Variants in SAMD5 observed in about 807,000 individuals in gnomAD.
The protein encoded by SAMD5 is sterile alpha motif domain containing 5.
A neutral mutation model predicts 11.3 loss-of-function variants in SAMD5; 13 were observed. The ratio of observed to expected loss-of-function variants is 1.15; its 90% CI spans 0.75 to 1.83. The LOEUF is 1.83. Among genes scored for constraint, SAMD5 ranks in the 40% most tolerant of loss-of-function variants. The probability of loss-of-function intolerance (pLI) is 0.00; values close to 1 mark genes in which losing one functional copy is unlikely to be tolerated. For missense variants in SAMD5, 255 were observed against 239.1 expected (o/e 1.07, Z -0.44); for synonymous variants, 129 against 111.3 (o/e 1.16, Z -1.00).
intron 1 of SAMD5, among the ~76,000 whole-genome samples, chr6:147,610,580 C>T (rs1789768829): frequency 1.3e-5 from 2 of 152,314 alleles, no homozygotes; most frequent in South Asian, 4.2e-4. Flanking sequence ...GACAAAGTAG[C>T]ACCAGAATGT....
At chr6:147,770,885 TA>T in the SAMD5 span, among the ~76,000 whole-genome samples, 1 of 152,190 alleles carries the variant, frequency 6.6e-6, no homozygotes. Context: ...ACAATGCCAA[TA>T]ATTCATTAGT....
intron 1 of SAMD5, among the ~76,000 whole-genome samples, chr6:147,624,779 G>A (rs2128450652): frequency 6.6e-6 from 1 of 152,046 alleles, no homozygotes; most frequent in South Asian, 2.1e-4. Context: ...GGTGTATACT[G>A]CTCAGATGAT....
chr6:147,686,082 G>T (rs973527429), intron 1 of SAMD5, among the ~76,000 whole-genome samples: 2 of 152,118 alleles, frequency 1.3e-5, no homozygotes, highest in African/African-American at 4.8e-5. Context: ...TTTATTGACC[G>T]TACGGATGTA....
the SAMD5 span, among the ~76,000 whole-genome samples, chr6:147,745,823 G>T: frequency 2.1e-5 from 3 of 143,506 alleles, no homozygotes; most frequent in African/African-American, 5.2e-5. Context: ...CTATCACCCC[G>T]GCTGGACTAT....
intron 1 of SAMD5, among the ~76,000 whole-genome samples, chr6:147,687,276 C>CTTTTTTTT (rs59851113): frequency 4.8e-5 from 5 of 105,032 alleles, no homozygotes; most frequent in Non-Finnish European, 5.4e-5. Context: ...TCTCCTCCTT[C>CTTTTTTTT]TTTTTTTTTT....
At chr6:147,672,725 A>G (rs1790811814) in intron 1 of SAMD5, among the ~76,000 whole-genome samples, 2 of 151,608 alleles carry the variant, frequency 1.3e-5, no homozygotes, top group African/African-American at 4.8e-5. Flanking sequence ...ATATCTTCAT[A>G]TTTCTAAATG....
At chr6:147,681,860 T>G (rs1168427036) in intron 1 of SAMD5, among the ~76,000 whole-genome samples, 1 of 152,158 alleles carries the variant, frequency 6.6e-6, no homozygotes, top group African/African-American at 2.4e-5. Flanking sequence ...GGTGTTACAC[T>G]CTGGCTGGTG....
At position 147,686,552 on chromosome 6, in the gene SAMD5, C is replaced by T. The variant is rs1047511526; in HGVS notation, c.163-50765C>T. ...TCCTATCACTACTGCTGTGCCATGT[C>T]ATACCAGTACATGGTATAAGTCATG... On this transcript the variant is annotated intron_variant, in intron 1 of 1. Coordinates refer to the SAMD5 transcript ENST00000566741. 2.6e-5 allele frequency among the ~76,000 whole-genome samples: 4 copies of T among 152,300 alleles called. 1 individual carries two copies. The highest frequency in any genetic ancestry group is 1.9e-4 in the East Asian group (1 of 5,186).
At chr6:147,875,740 C>T in the SAMD5 span, among the ~76,000 whole-genome samples, 80 of 152,130 alleles carry the variant, frequency 5.3e-4, 2 homozygotes, top group South Asian at 0.013. Context: ...TTGTGAACTG[C>T]GCAGGAGAGG....
downstream of SAMD5, among the ~76,000 whole-genome samples, chr6:147,573,960 TA>T (rs1276238055): frequency 1.3e-5 from 2 of 151,692 alleles, no homozygotes; most frequent in Non-Finnish European, 2.9e-5. Flanking sequence ...CCATCTCTAC[TA>T]AAAAAACAAA....
At chr6:147,830,410 C>G in the SAMD5 span, among the ~76,000 whole-genome samples, 2 of 151,962 alleles carry the variant, frequency 1.3e-5, no homozygotes, top group African/African-American at 4.8e-5. Flanking sequence ...GTATGTACCA[C>G]TACGCCTGGC....
At position 147,565,680 on chromosome 6, in the gene SAMD5, G is replaced by A. The variant is rs991518354; in HGVS notation, c.*1224G>A. The A allele has an allele frequency of 5.1e-5, 38 of 744,898 alleles. No homozygotes were observed. Among genetic ancestry groups the A allele is most frequent in the Non-Finnish European group, 5.9e-5 (36 of 610,888 alleles). The allele number at this position is 744,898 out of a possible 1,614,324, so 46.1% of individuals were successfully genotyped here. A position where few individuals can be genotyped will look rare whatever the true frequency, so the allele number is the denominator to read the frequency against. On this transcript the variant is annotated 3_prime_UTR_variant, in exon 2 of 2. Coordinates refer to ENST00000367474, the MANE Select transcript of SAMD5 (RefSeq NM_001030060.3). ...TTACCATGTTGGCCAGGCTGTTCTT[G>A]AACTCCTGGCCTCAAATGATCCACT...
intron 1 of SAMD5, among the ~76,000 whole-genome samples, chr6:147,722,958 T>C (rs1488223190): frequency 6.6e-6 from 1 of 152,166 alleles, no homozygotes; most frequent in African/African-American, 2.4e-5. Flanking sequence ...ACTCTTACCT[T>C]GTGCTCAGTG....
the SAMD5 span, among the ~76,000 whole-genome samples, chr6:147,837,180 G>A: frequency 3.3e-5 from 5 of 152,096 alleles, no homozygotes; most frequent in Admixed American, 1.3e-4. Context: ...ACTGTTGGTT[G>A]TTGGTGGTCC....
chr6:147,516,858 T>C (rs945197808), intron 1 of SAMD5, among the ~76,000 whole-genome samples: 5 of 152,124 alleles, frequency 3.3e-5, no homozygotes, highest in African/African-American at 1.2e-4. Context: ...AGCTTTGGGG[T>C]CACTCAGTAA....
intron 1 of SAMD5, among the ~76,000 whole-genome samples, chr6:147,697,552 A>ATCACTTGAT (rs2128457501): frequency 6.6e-6 from 1 of 152,328 alleles, no homozygotes; most frequent in East Asian, 1.9e-4. Context: ...TTTATTACTT[A>ATCACTTGAT]TCACTTGATT....
chr6:147,591,443 G>A (rs560072751), intron 1 of SAMD5, among the ~76,000 whole-genome samples: 2 of 152,236 alleles, frequency 1.3e-5, no homozygotes, highest in South Asian at 2.1e-4. Context: ...GGGAGGGGTC[G>A]GCCACTGTTG....
rs541618575 is a variant in SAMD5 at position 147,521,113 on chromosome 6, T to C, written c.459+11726T>C. On this transcript the variant is annotated intron_variant, in intron 1 of 1. Coordinates refer to ENST00000367474, the MANE Select transcript of SAMD5 (RefSeq NM_001030060.3). ...ACATATCCTTATTGGCATGAAATCT[T>C]ACCCATGTTACTACTAATTATTATT... 1.7e-4 allele frequency among the ~76,000 whole-genome samples: 26 copies of C among 152,086 alleles called. No individual in the cohort carries two copies. In the South Asian group the frequency reaches 5.4e-3, roughly 32 times the overall value.
At chr6:147,673,259 G>A (rs1189922952) in intron 1 of SAMD5, among the ~76,000 whole-genome samples, 1 of 151,824 alleles carries the variant, frequency 6.6e-6, no homozygotes, top group Non-Finnish European at 1.5e-5. Flanking sequence ...TGTTGCCCAG[G>A]CAGGAGTGCA....
Sources: allele counts gnomAD v4.1 joint callset (sites outside exome capture counted in the v4.1 genomes callset), GRCh38; gene constraint gnomAD v4.1.1; transcripts MANE v1.5; gene names NCBI Gene and HGNC (gene_info 2026-07-23, HGNC 2026-07-21).